KIF13A: variants seen among roughly 807,000 people sequenced by gnomAD.
KIF13A encodes the protein kinesin-like protein KIF13A.
KIF13A carries 79 observed loss-of-function variants against 212.2 expected under a neutral mutation model. The ratio of observed to expected loss-of-function variants is 0.37; its 90% confidence interval spans 0.31 to 0.45. The LOEUF (loss-of-function observed/expected upper bound fraction) is 0.45, where lower values mean the gene tolerates loss of function less well. KIF13A is among the 20% of genes least tolerant of loss of function. The pLI, the probability that KIF13A is intolerant of heterozygous loss-of-function variation, is 1.00. For synonymous variants in KIF13A, 789 were observed against 808.6 expected (o/e 0.98, Z 0.41); for missense variants, 1,901 against 2,209.0 (o/e 0.86, Z 2.79).
intron 4 of KIF13A, among the ~76,000 whole-genome samples, chr6:17,862,550 C>A (rs1768900800): frequency 6.6e-6 from 1 of 152,096 alleles, no homozygotes; most frequent in South Asian, 2.1e-4. Flanking sequence ...TGCCTGCAAT[C>A]CCAACAGTTT....
At chr6:17,760,750 G>A, downstream of KIF13A, 1 of 1,179,318 alleles carries the variant, frequency 8.5e-7, no homozygotes, top group Admixed American at 1.7e-5. Flanking sequence ...CTGGTCTGAG[G>A]TCCAGCCAGG....
intron 29 of KIF13A, among the ~76,000 whole-genome samples, chr6:17,781,623 G>GTTTTTTTTTTTTTTTTTTTTTTTTTT (rs776138365): frequency 9.3e-6 from 1 of 107,090 alleles, no homozygotes; most frequent in Non-Finnish European, 1.8e-5. Flanking sequence ...CTGTACTTGG[G>GTTTTTTTTTTTTTTTTTTTTTTTTTT]TTTTTTTTTT....
chr6:17,874,061 C>T (rs1461129266), intron 3 of KIF13A, among the ~76,000 whole-genome samples: 3 of 152,166 alleles, frequency 2.0e-5, no homozygotes, highest in African/African-American at 7.2e-5. Context: ...AATATCTTCT[C>T]TCGCAAGTCC....
intron 6 of KIF13A, among the ~76,000 whole-genome samples, chr6:17,852,377 G>A (rs1046128245): frequency 1.3e-5 from 2 of 152,058 alleles, no homozygotes; most frequent in Admixed American, 1.3e-4. Flanking sequence ...TCAACCTTTC[G>A]GCTATTTCAT....
chr6:17,970,493 T>C (rs1362685164), intron 2 of KIF13A, among the ~76,000 whole-genome samples: 1 of 152,144 alleles, frequency 6.6e-6, no homozygotes. Context: ...GGAGATCCAA[T>C]GGCAGTGTGA....
Position 17,799,309 on chromosome 6 carries a change from T to C in KIF13A, c.2747A>G (p.Gln916Arg). ...CACTGTGTACTGGGCATCCTTGGAC[T>C]GTGGTGAAGGCACCTCGGGGTCCAC... ...PVVDPEVPSP[Q>R]SKDAQYTVTF... The change falls in exon 22 of 39, where the codon CAG (glutamine) becomes CGG (arginine). Residue 916 changes from glutamine to arginine, a missense_variant. Physicochemically the swap from Gln to Arg is conservative, Grantham distance 43 (BLOSUM62 1). This residue lies in a region of KIF13A where 534 missense variants were observed against 536.9 expected (regional missense o/e 0.99). Transcript: ENST00000259711. This position sits in a 1 kb window ranked among gnomAD's most constrained non-coding sequence, Gnocchi z 4.4. The C allele has an allele frequency of 6.2e-7, 1 of 1,613,334 alleles. No homozygotes were observed. Among genetic ancestry groups the C allele is most frequent in the Non-Finnish European group, 8.5e-7 (1 of 1,179,598 alleles).
chr6:17,851,684 C>T (rs1000926958), intron 7 of KIF13A, among the ~76,000 whole-genome samples: 1 of 152,204 alleles, frequency 6.6e-6, no homozygotes, highest in Non-Finnish European at 1.5e-5. Flanking sequence ...ATTGGGAGAA[C>T]AGTTTTAACA....
chr6:17,861,802 A>G (rs1768816975), intron 4 of KIF13A, among the ~76,000 whole-genome samples: 1 of 152,144 alleles, frequency 6.6e-6, no homozygotes, highest in Admixed American at 6.6e-5. Context: ...GGTCTATCTT[A>G]TATGTTATAA....
chr6:17,987,414 C>T lies in KIF13A; in HGVS notation c.50G>A (p.Arg17Gln), dbSNP rs1781673623. The change falls in exon 1 of 39, where the codon CGA becomes CAA. Residue 17 changes from arginine (R) to glutamine (Q), a missense_variant. Coordinates refer to ENST00000259711, the MANE Select transcript of KIF13A (RefSeq NM_022113.6). The surrounding 1 kb of genome is among the most constrained non-coding windows in gnomAD (Gnocchi z 7.7). ...KVAVRVRPMN[R>Q]RELELNTKCV... is the part of the protein sequence containing the mutation. ...AAGAGCGGAAAGCTCCTCACCTCGT[C>T]GGTTCATGGGCCGGACCCGGACGGC... The T allele has an allele frequency of 1.5e-6, 2 of 1,371,862 alleles. No homozygotes were observed. Among genetic ancestry groups the T allele is most frequent in the Admixed American group, 2.1e-5 (1 of 46,948 alleles). The allele number at this position is 1,371,862 out of a possible 1,614,324, so 85.0% of individuals were successfully genotyped here. A position where few individuals can be genotyped will look rare whatever the true frequency, so the allele number is the denominator to read the frequency against.
chr6:17,932,621 C>A (rs1441007443), intron 2 of KIF13A, among the ~76,000 whole-genome samples: 1 of 152,168 alleles, frequency 6.6e-6, no homozygotes, highest in Non-Finnish European at 1.5e-5. Context: ...CAATCTGACA[C>A]ACCGGAACTG....
chr6:17,855,530 G>A lies in KIF13A; in HGVS notation c.401C>T (p.Ser134Phe), dbSNP rs370495452. The A allele has an allele frequency of 3.7e-6, 6 of 1,613,678 alleles. No homozygotes were observed. The East Asian group carries it at 6.7e-5, about 18-fold the overall frequency. The change falls in exon 6 of 39, where the codon TCT (serine) becomes TTT (phenylalanine). Residue 134 changes from serine to phenylalanine, a missense_variant. Transcript: ENST00000259711. The surrounding 1 kb of genome is among the most constrained non-coding windows in gnomAD (Gnocchi z 4.1). ...RLCCALFKRI[S>F]LEQNESQTFK... ...GGTCTGTGACTCATTTTGCTCCAAAGAGATCCTTTTAAATAAAGCACAGCA... is the reference window on the plus strand; with the variant it reads ...GGTCTGTGACTCATTTTGCTCCAAAAAGATCCTTTTAAATAAAGCACAGCA...
Position 17,987,190 on chromosome 6 carries a change from C to T in KIF13A, c.56-46G>A, listed in dbSNP as rs750516975. The T allele has an allele frequency of 2.8e-6, 4 of 1,451,570 alleles. No individual in the cohort carries two copies. Among genetic ancestry groups the T allele is most frequent in the Non-Finnish European group, 3.8e-6 (4 of 1,061,122 alleles). The allele number at this position is 1,451,570 out of a possible 1,614,324, so 89.9% of individuals were successfully genotyped here. A position where few individuals can be genotyped will look rare whatever the true frequency, so the allele number is the denominator to read the frequency against. ...ACGTTGCAAAGTCCAGCATCCGCGCCTCCAGCCCGCCCGCCCGCCAGCCGC... is the reference window on the plus strand; with the variant it reads ...ACGTTGCAAAGTCCAGCATCCGCGCTTCCAGCCCGCCCGCCCGCCAGCCGC... On this transcript the variant is annotated intron_variant, in intron 1 of 38. Coordinates refer to ENST00000259711, the MANE Select transcript of KIF13A (RefSeq NM_022113.6). The surrounding 1 kb of genome is among the most constrained non-coding windows in gnomAD (Gnocchi z 7.7).
At chr6:17,977,749 C>A (rs1398814165) in intron 2 of KIF13A, among the ~76,000 whole-genome samples, 1 of 152,142 alleles carries the variant, frequency 6.6e-6, no homozygotes, top group Non-Finnish European at 1.5e-5. Flanking sequence ...ATGTGCACAA[C>A]GTGCAGATTT....
intron 19 of KIF13A, 97 bp downstream of exon 19, chr6:17,805,370 CGTGTGTGT>C (rs59526903): frequency 0.017 from 12,485 of 735,564 alleles, 30 homozygotes; most frequent in African/African-American, 0.031. Context: ...AGCACATCTC[CGTGTGTGT>C]GTGTGTGTGT....
At chr6:17,979,512 G>T (rs1780870312) in intron 2 of KIF13A, among the ~76,000 whole-genome samples, 1 of 152,138 alleles carries the variant, frequency 6.6e-6, no homozygotes, top group African/African-American at 2.4e-5. Context: ...AATGCTTTTG[G>T]TGTGTGGGGC....
chr6:17,979,960 G>A (rs1168892626), intron 2 of KIF13A, among the ~76,000 whole-genome samples: 2 of 151,960 alleles, frequency 1.3e-5, no homozygotes, highest in Non-Finnish European at 2.9e-5. Context: ...GACCAGTTCA[G>A]GAAACCCCAT....
At chr6:17,986,345 C>T (rs114456883) in intron 2 of KIF13A, among the ~76,000 whole-genome samples, 180 of 152,196 alleles carry the variant, frequency 1.2e-3, no homozygotes, top group African/African-American at 4.2e-3. Context: ...TGGAACAGAA[C>T]GGAATTAATA....
At chr6:17,827,409 G>C (rs1765063908) in intron 14 of KIF13A, among the ~76,000 whole-genome samples, 1 of 151,652 alleles carries the variant, frequency 6.6e-6, no homozygotes, top group African/African-American at 2.4e-5. Flanking sequence ...CTTTAGGAAG[G>C]AGGAGGAGAT....
In KIF13A at chr6:17,895,199, T is replaced by C. The variant is rs73373109; in HGVS notation, c.159+2969A>G. On this transcript the variant is annotated intron_variant, in intron 3 of 38. Coordinates refer to ENST00000259711, the MANE Select transcript of KIF13A (RefSeq NM_022113.6). The surrounding 1 kb of genome is among the most constrained non-coding windows in gnomAD (Gnocchi z 4.4). ...ATCTTATGTTTTATGTCTTTGAAGA[T>C]AACAAATATATTCATTTTGAAGTTC... 0.011 allele frequency among the ~76,000 whole-genome samples: 1,651 copies of C among 152,328 alleles called. 23 individuals carry two copies. The highest frequency in any genetic ancestry group is 0.038 in the African/African-American group (1,566 of 41,568).
Sources: gnomAD v4.1 joint callset for allele counts (sites outside exome capture counted in the v4.1 genomes callset) on GRCh38, gnomAD v4.1.1 for gene constraint, gnomAD v4.1.1 regional missense constraint, Gnocchi (gnomAD v3.1) non-coding constraint, MANE v1.5 for transcripts, NCBI Gene and HGNC (gene_info 2026-07-23, HGNC 2026-07-21) for gene names.